The following KCNAB1 variants were observed in gnomAD, a reference collection of about 807,000 sequenced individuals.
KCNAB1 encodes potassium voltage-gated channel subfamily A regulatory beta subunit 1, also known as voltage-gated potassium channel subunit beta-1.
KCNAB1 carries 35 observed loss-of-function variants against 64.6 expected under a neutral mutation model. That is an observed-to-expected ratio of 0.54 (90% CI 0.41 to 0.72). KCNAB1 has a LOEUF of 0.72. Among genes scored for constraint, KCNAB1 ranks in the 30% least tolerant of loss-of-function variants. The probability of loss-of-function intolerance (pLI) is 0.00; values close to 1 mark genes in which losing one functional copy is unlikely to be tolerated. For missense variants in KCNAB1, 401 were observed against 512.9 expected (o/e 0.78, Z 2.11); for synonymous variants, 177 against 183.8 (o/e 0.96, Z 0.30).
In KCNAB1 at chr3:156,347,387, A is replaced by C. The variant is rs145431613; in HGVS notation, c.276-74229A>C. Among the ~76,000 whole-genome samples, 70 of 152,316 alleles carry C rather than the reference A, an allele frequency of 4.6e-4. 1 individual carries two copies. Among genetic ancestry groups the C allele is most frequent in the Non-Finnish European group, 5.0e-4 (34 of 68,022 alleles). ...GGCTTTATTGCTTGCTGTGTGAGGAAAAAGTTACCTTTCTGAGCTTGAGTC... is the reference window on the plus strand; with the variant it reads ...GGCTTTATTGCTTGCTGTGTGAGGACAAAGTTACCTTTCTGAGCTTGAGTC... On this transcript the variant is annotated intron_variant, in intron 1 of 13. Transcript: ENST00000490337.
chr3:156,318,563 C>A (rs563164392), intron 1 of KCNAB1, among the ~76,000 whole-genome samples: 23 of 152,220 alleles, frequency 1.5e-4, no homozygotes, highest in Middle Eastern at 3.4e-3. Flanking sequence ...AGTGTTTTGT[C>A]TGTTTGTTTG....
intron 1 of KCNAB1, among the ~76,000 whole-genome samples, chr3:156,392,604 A>G (rs1161675678): frequency 1.3e-5 from 2 of 152,248 alleles, no homozygotes; most frequent in Non-Finnish European, 2.9e-5. Context: ...ACCATCAAGT[A>G]TAATATGTGG....
chr3:156,251,707 A>T (rs761611413), intron 1 of KCNAB1, among the ~76,000 whole-genome samples: 126 of 152,296 alleles, frequency 8.3e-4, no homozygotes, highest in Admixed American at 2.0e-3. Flanking sequence ...ACTGACTGAA[A>T]AATTTAATTG....
At chr3:156,385,950 G>A (rs1043382460) in intron 1 of KCNAB1, among the ~76,000 whole-genome samples, 6 of 151,860 alleles carry the variant, frequency 4.0e-5, no homozygotes, top group Admixed American at 1.3e-4. Context: ...TCTTCTTATC[G>A]CCCTCAAGCT....
intron 12 of KCNAB1, among the ~76,000 whole-genome samples, chr3:156,524,954 G>A (rs1032213639): frequency 1.3e-5 from 2 of 152,032 alleles, no homozygotes; most frequent in African/African-American, 4.8e-5. Flanking sequence ...CGAGTGCAAT[G>A]AATTACTTGT....
At chr3:156,522,240 G>A (rs1438094718) in intron 11 of KCNAB1, among the ~76,000 whole-genome samples, 2 of 151,606 alleles carry the variant, frequency 1.3e-5, no homozygotes, top group Non-Finnish European at 2.9e-5. Context: ...TTTGTTAGTC[G>A]GTTTGAATAA....
chr3:156,229,601 A>G (rs577348779), intron 1 of KCNAB1, among the ~76,000 whole-genome samples: 5 of 152,348 alleles, frequency 3.3e-5, no homozygotes, highest in Admixed American at 6.5e-5. Flanking sequence ...GTAAGATGAT[A>G]TAGAGTCATT....
At chr3:156,450,102 C>G (rs1490478325) in intron 2 of KCNAB1, among the ~76,000 whole-genome samples, 1 of 152,128 alleles carries the variant, frequency 6.6e-6, no homozygotes, top group East Asian at 1.9e-4. Flanking sequence ...ATGGCTTCTC[C>G]CATTTTAGCT....
At chr3:156,315,767 A>G (rs1722233463) in intron 1 of KCNAB1, among the ~76,000 whole-genome samples, 1 of 152,228 alleles carries the variant, frequency 6.6e-6, no homozygotes, top group African/African-American at 2.4e-5. Context: ...AAAGTTATAG[A>G]TATGTCTTGT....
intron 1 of KCNAB1, among the ~76,000 whole-genome samples, chr3:156,381,454 T>C (rs1261709253): frequency 6.6e-6 from 1 of 152,084 alleles, no homozygotes. Flanking sequence ...GTAGAGAGAA[T>C]AGAGCATTCA....
intron 3 of KCNAB1, among the ~76,000 whole-genome samples, chr3:156,454,654 C>G (rs3755631): frequency 0.17 from 25,755 of 152,046 alleles, 3,556 homozygotes; most frequent in African/African-American, 0.38. Context: ...GCCACAGAAA[C>G]CAGAGCACAG....
intron 1 of KCNAB1, among the ~76,000 whole-genome samples, chr3:156,249,461 A>ACTAG (rs1190561389): frequency 6.6e-6 from 1 of 151,956 alleles, no homozygotes; most frequent in Non-Finnish European, 1.5e-5. Flanking sequence ...AACCCTAGAT[A>ACTAG]CTAGGGAGGC....
chr3:156,148,396 G>C (rs976362978), intron 1 of KCNAB1, among the ~76,000 whole-genome samples: 11 of 152,200 alleles, frequency 7.2e-5, no homozygotes, highest in African/African-American at 2.4e-4. Context: ...GTACATACTT[G>C]TTGCTTGATT....
At chr3:156,266,508 C>A (rs1017948324) in intron 1 of KCNAB1, among the ~76,000 whole-genome samples, 1 of 152,140 alleles carries the variant, frequency 6.6e-6, no homozygotes, top group Admixed American at 6.5e-5. Flanking sequence ...TCCTTTGCTC[C>A]CAAGGAGCTC....
At chr3:156,290,351 T>A (rs1720333042) in intron 1 of KCNAB1, among the ~76,000 whole-genome samples, 1 of 152,204 alleles carries the variant, frequency 6.6e-6, no homozygotes, top group South Asian at 2.1e-4. Flanking sequence ...TAAATACTGG[T>A]TCTTTTTGCT....
At chr3:156,276,793 G>A (rs1719375515) in intron 1 of KCNAB1, among the ~76,000 whole-genome samples, 1 of 152,154 alleles carries the variant, frequency 6.6e-6, no homozygotes, top group Non-Finnish European at 1.5e-5. Flanking sequence ...TTAAGGGAAT[G>A]TTGTGGCTGG....
chr3:156,351,129 G>T (rs1312383160), intron 1 of KCNAB1, among the ~76,000 whole-genome samples: 3 of 152,252 alleles, frequency 2.0e-5, no homozygotes, highest in Non-Finnish European at 2.9e-5. Context: ...TCATAAGAAA[G>T]ACTGCTGACT....
At chr3:156,150,110 T>C (rs1715313133) in intron 1 of KCNAB1, among the ~76,000 whole-genome samples, 1 of 152,164 alleles carries the variant, frequency 6.6e-6, no homozygotes, top group African/African-American at 2.4e-5. Flanking sequence ...TCAATATTTC[T>C]GGAGGAAAGT....
chr3:156,474,452 G>A (rs897605465), intron 7 of KCNAB1, among the ~76,000 whole-genome samples: 5 of 152,162 alleles, frequency 3.3e-5, no homozygotes, highest in African/African-American at 7.2e-5. Context: ...TCTGGATATT[G>A]CCACATACAA....
Sources: gnomAD v4.1 joint callset for allele counts (sites outside exome capture counted in the v4.1 genomes callset) on GRCh38, gnomAD v4.1.1 for gene constraint, MANE v1.5 for transcripts, NCBI Gene and HGNC (gene_info 2026-07-23, HGNC 2026-07-21) for gene names.